The following NLGN1 variants were observed in gnomAD, a reference collection of about 807,000 sequenced individuals.
The protein encoded by NLGN1 is neuroligin 1.
Under a neutral mutation model 65.5 loss-of-function variants are expected in NLGN1, and 12 were observed. That is an observed-to-expected ratio of 0.18 (90% CI 0.12 to 0.30). The LOEUF is 0.30. NLGN1 is among the 10% of genes least tolerant of loss of function. The probability of loss-of-function intolerance (pLI) is 1.00; values close to 1 mark genes in which losing one functional copy is unlikely to be tolerated. For synonymous variants in NLGN1, 350 were observed against 359.5 expected (o/e 0.97, Z 0.30); for missense variants, 750 against 1,007.1 (o/e 0.74, Z 3.46).
chr3:173,657,675 C>T (rs1226522552), intron 3 of NLGN1, among the ~76,000 whole-genome samples: 1 of 151,662 alleles, frequency 6.6e-6, no homozygotes, highest in African/African-American at 2.4e-5. Context: ...ATATATTTTG[C>T]CCTCAGCTAA....
At chr3:173,495,779 T>G (rs1729923617) in intron 2 of NLGN1, among the ~76,000 whole-genome samples, 1 of 150,666 alleles carries the variant, frequency 6.6e-6, no homozygotes, top group African/African-American at 2.5e-5. Flanking sequence ...ATATTAAACA[T>G]CTCCACAAAT....
intron 4 of NLGN1, among the ~76,000 whole-genome samples, chr3:174,169,463 G>T (rs763206765): frequency 6.6e-6 from 1 of 151,592 alleles, no homozygotes; most frequent in Non-Finnish European, 1.5e-5. Flanking sequence ...GTAAGGGTGA[G>T]GTGGTTCAGG....
intron 4 of NLGN1, among the ~76,000 whole-genome samples, chr3:173,852,160 T>C (rs186468108): frequency 1.1e-4 from 17 of 151,154 alleles, no homozygotes; most frequent in African/African-American, 3.9e-4. Flanking sequence ...ATCGAGACCA[T>C]CCTGGCTAAC....
At chr3:174,161,931 C>A (rs1726622785) in intron 4 of NLGN1, among the ~76,000 whole-genome samples, 1 of 151,832 alleles carries the variant, frequency 6.6e-6, no homozygotes, top group African/African-American at 2.4e-5. Context: ...GTGAGCCTCA[C>A]TTTCCACCTG....
rs183450429 is a variant in NLGN1, at chr3:173,498,281, A to G, written c.-321+63203A>G. Among the ~76,000 whole-genome samples the G allele has an allele frequency of 4.1e-3, 617 of 149,880 alleles. 7 individuals carry two copies. Among genetic ancestry groups the G allele is most frequent in the Middle Eastern group, 0.014 (4 of 292 alleles). On this transcript the variant is annotated intron_variant, in intron 2 of 6. Transcript: ENST00000457714. ...CATGTGTTCTCATTGTTCAATTCCC[A>G]CCTATGAGTGACAACATGCGGTGTT...
chr3:173,979,142 C>A (rs1167682917), intron 4 of NLGN1, among the ~76,000 whole-genome samples: 1 of 151,884 alleles, frequency 6.6e-6, no homozygotes, highest in East Asian at 1.9e-4. Flanking sequence ...GGGATTAAGT[C>A]AGATTAGAGT....
intron 4 of NLGN1, among the ~76,000 whole-genome samples, chr3:173,930,188 G>T (rs1352226597): frequency 6.6e-6 from 1 of 152,102 alleles, no homozygotes; most frequent in African/African-American, 2.4e-5. Flanking sequence ...CGTACCTACT[G>T]GGAGATTTAT....
chr3:173,538,617 A>G (rs1163583867), intron 2 of NLGN1, among the ~76,000 whole-genome samples: 1 of 152,140 alleles, frequency 6.6e-6, no homozygotes. Flanking sequence ...TCACTGGAGG[A>G]AGTGGTGTCA....
chr3:174,289,980 TATATAC>T (rs202236603), downstream of NLGN1, among the ~76,000 whole-genome samples: 2 of 143,482 alleles, frequency 1.4e-5, no homozygotes, highest in African/African-American at 2.5e-5. Context: ...TATATATATA[TATATAC>T]ATATATATTC....
chr3:174,264,941 T>C (rs373620632), intron 4 of NLGN1, among the ~76,000 whole-genome samples: 75 of 152,214 alleles, frequency 4.9e-4, no homozygotes, highest in South Asian at 1.0e-3. Context: ...AATACCCTGC[T>C]GTGTGAGGTG....
intron 4 of NLGN1, among the ~76,000 whole-genome samples, chr3:174,149,506 T>C (rs1022397579): frequency 6.6e-6 from 1 of 152,190 alleles, no homozygotes; most frequent in Non-Finnish European, 1.5e-5. Context: ...TCTTCTCTAA[T>C]GTTTATGCTT....
chr3:173,676,841 T>A (rs1763239711), intron 3 of NLGN1, among the ~76,000 whole-genome samples: 10 of 152,162 alleles, frequency 6.6e-5, no homozygotes, highest in Admixed American at 6.6e-4. Flanking sequence ...GTCCTTGGAC[T>A]GTAGAACAAT....
chr3:174,143,982 A>G (rs1209517455), intron 4 of NLGN1, among the ~76,000 whole-genome samples: 1 of 152,136 alleles, frequency 6.6e-6, no homozygotes, highest in Non-Finnish European at 1.5e-5. Flanking sequence ...TTTGTTACAT[A>G]GGTATACACG....
chr3:173,867,435 C>A (rs911579114), intron 4 of NLGN1, among the ~76,000 whole-genome samples: 1 of 151,970 alleles, frequency 6.6e-6, no homozygotes, highest in African/African-American at 2.4e-5. Context: ...ACTTATAATA[C>A]GGTTCTGACT....
At chr3:174,041,124 C>T (rs1319904069) in intron 4 of NLGN1, among the ~76,000 whole-genome samples, 2 of 152,142 alleles carry the variant, frequency 1.3e-5, no homozygotes, top group Non-Finnish European at 2.9e-5. Flanking sequence ...TCATCACCAT[C>T]ATGCTCCATT....
At chr3:173,942,109 G>GGTGTGTGTGTGTGTGTGTGTGTGT (rs1050946666) in intron 4 of NLGN1, among the ~76,000 whole-genome samples, 1 of 144,064 alleles carries the variant, frequency 6.9e-6, no homozygotes, top group African/African-American at 2.6e-5. Flanking sequence ...GGTGGTTGGG[G>GGTGTGTGTGTGTGTGTGTGTGTGT]GTGTGTGTGT....
At chr3:173,951,885 G>A (rs997409166) in intron 4 of NLGN1, among the ~76,000 whole-genome samples, 5 of 152,058 alleles carry the variant, frequency 3.3e-5, no homozygotes, top group Admixed American at 6.6e-5. Flanking sequence ...TGTGTGCCTT[G>A]CATATTCACA....
At chr3:173,725,641 G>A (rs1049437035) in intron 3 of NLGN1, among the ~76,000 whole-genome samples, 29 of 152,186 alleles carry the variant, frequency 1.9e-4, no homozygotes, top group Middle Eastern at 3.2e-3. Flanking sequence ...CACTACAAGC[G>A]TGGCTTCTTA....
At chr3:173,881,784 A>G (rs577895950) in intron 4 of NLGN1, among the ~76,000 whole-genome samples, 148 of 152,218 alleles carry the variant, frequency 9.7e-4, no homozygotes, top group African/African-American at 3.4e-3. Context: ...AGAGTTATCC[A>G]TGAGGATTGG....
Sources: gnomAD v4.1 joint callset for allele counts (sites outside exome capture counted in the v4.1 genomes callset) on GRCh38, gnomAD v4.1.1 for gene constraint, MANE v1.5 for transcripts, NCBI Gene and HGNC (gene_info 2026-07-23, HGNC 2026-07-21) for gene names.